DGKG: variants seen among roughly 807,000 people sequenced by gnomAD.
The protein encoded by DGKG is DAG kinase gamma.
DGKG carries 78 observed loss-of-function variants against 105.3 expected under a neutral mutation model. The ratio of observed to expected loss-of-function variants is 0.74; its 90% CI spans 0.62 to 0.89. DGKG has a LOEUF of 0.89. Among genes scored for constraint, DGKG ranks in the 40% least tolerant of loss-of-function variants. The probability of loss-of-function intolerance (pLI) is 0.00; values close to 1 mark genes in which losing one functional copy is unlikely to be tolerated. For synonymous variants in DGKG, 346 were observed against 367.1 expected (o/e 0.94, Z 0.66); for missense variants, 958 against 1,020.1 (o/e 0.94, Z 0.83).
intron 24 of DGKG, chr3:186,160,334 T>G: frequency 2.1e-6 from 2 of 970,042 alleles, no homozygotes; most frequent in Non-Finnish European, 2.4e-6. Context: ...TTCTTCCACC[T>G]TTTTTTTTGT....
In DGKG at chr3:186,306,935, T is replaced by A. The variant is rs770473494; in HGVS notation, c.110A>T (p.Glu37Val). The A allele has an allele frequency of 6.2e-7, 1 of 1,613,142 alleles. No homozygotes were observed. Among genetic ancestry groups the A allele is most frequent in the Non-Finnish European group, 8.5e-7 (1 of 1,179,114 alleles). Residue 37 changes from glutamate (E) to valine (V), a missense_variant, in exon 3 of 25, where the codon GAG becomes GTG. Glu to Val is a moderately radical substitution (Grantham distance 121). Around this residue, in one of 2 missense-constraint regions of DGKG, gnomAD observed 643 missense variants for 619.5 expected, o/e 1.04. Transcript: ENST00000265022. The part of the protein sequence containing the change: ...KIKDALTEFN[E>V]GGSLKQYDPH... The stretch of plus-strand genomic sequence containing the variant: ...GTCATATTGTTTGAGGCTCCCACCC[T>A]CATTAAATTCAGTCAAGGCATCTTT...
At chr3:186,208,064 CAG>C (rs1485458955) in intron 21 of DGKG, among the ~76,000 whole-genome samples, 3 of 151,518 alleles carry the variant, frequency 2.0e-5, no homozygotes, top group African/African-American at 7.3e-5. Flanking sequence ...TTTTTTGAGA[CAG>C]AGTCTTGCTC....
At chr3:186,238,262 C>T (rs988758689) in intron 20 of DGKG, among the ~76,000 whole-genome samples, 5 of 137,140 alleles carry the variant, frequency 3.6e-5, no homozygotes, top group African/African-American at 1.3e-4. Flanking sequence ...CACCACTGCA[C>T]TCCAGGCCAG....
intron 15 of DGKG, 49 bp from the exon 16 acceptor site, chr3:186,260,562 T>G: frequency 4.4e-5 from 56 of 1,276,124 alleles, no homozygotes; most frequent in Non-Finnish European, 5.7e-5. Context: ...AGAGAAGGAA[T>G]ATGTCATCGT....
intron 22 of DGKG, among the ~76,000 whole-genome samples, chr3:186,173,009 C>T (rs1383780018): frequency 6.6e-6 from 1 of 152,238 alleles, no homozygotes; most frequent in East Asian, 1.9e-4. Flanking sequence ...CTCCCTTTGG[C>T]TGGCAGCTGG....
rs761869227 is a variant in DGKG at position 186,253,106 on chromosome 3, G to A, written c.1587C>T (p.Leu529=). Residue 529 remains leucine (L), a synonymous_variant, in exon 18 of 25, where the codon CTC becomes CTT. Transcript: ENST00000265022. Reference sequence around the variant, plus strand: ...ATGCAAACTCACCTCCTCCCCAGCGGAGACAACGGGCAAGGTCATTTCCTG... The same window carrying A: ...ATGCAAACTCACCTCCTCCCCAGCGAAGACAACGGGCAAGGTCATTTCCTG... ...LGTGNDLARC[L]RWGGGYEGGS... is the part of the protein sequence containing the mutation. 1.2e-6 allele frequency: 2 copies of A among 1,614,176 alleles called. No homozygotes were observed. Among genetic ancestry groups the A allele is most frequent in the South Asian group, 2.2e-5 (2 of 91,088 alleles).
At chr3:186,281,471 C>G (rs963837570) in intron 7 of DGKG, among the ~76,000 whole-genome samples, 9 of 152,288 alleles carry the variant, frequency 5.9e-5, no homozygotes, top group African/African-American at 2.2e-4. Flanking sequence ...TCAAAGTTAG[C>G]ACCATTTAGG....
At chr3:186,279,771 A>G (rs1722746435) in intron 9 of DGKG, 80 bp downstream of exon 9, 16 of 1,544,004 alleles carry the variant, frequency 1.0e-5, no homozygotes, top group Non-Finnish European at 1.4e-5. Flanking sequence ...AGCAGAAGCC[A>G]AAGTGATATG....
intron 22 of DGKG, among the ~76,000 whole-genome samples, chr3:186,175,059 A>G (rs1035113106): frequency 2.6e-5 from 4 of 152,102 alleles, no homozygotes; most frequent in African/African-American, 9.7e-5. Context: ...GCAGGACTGG[A>G]ATTGTGGTGT....
chr3:186,192,046 C>T (rs941106714), intron 21 of DGKG, among the ~76,000 whole-genome samples: 6 of 151,984 alleles, frequency 3.9e-5, no homozygotes, highest in African/African-American at 7.3e-5. Flanking sequence ...TCGCTCTTGT[C>T]GCCCAGGCTG....
intron 20 of DGKG, among the ~76,000 whole-genome samples, chr3:186,238,250 C>T (rs1720510297): frequency 7.8e-6 from 1 of 128,004 alleles, no homozygotes; most frequent in Non-Finnish European, 1.6e-5. Context: ...GAGCCAAGAT[C>T]ACACCACTGC....
intron 20 of DGKG, among the ~76,000 whole-genome samples, chr3:186,215,555 G>C (rs1326388528): frequency 6.6e-6 from 1 of 152,158 alleles, no homozygotes; most frequent in Non-Finnish European, 1.5e-5. Context: ...GAAGGGACTG[G>C]AAAGAGAGGT....
At chr3:186,355,260 A>ACTATCGTC (rs1553826150) in intron 1 of DGKG, among the ~76,000 whole-genome samples, 6 of 151,642 alleles carry the variant, frequency 4.0e-5, no homozygotes, top group East Asian at 1.9e-4. Context: ...CACCAACACC[A>ACTATCGTC]ACACCACTAC....
At chr3:186,246,543 C>T (rs1031148828) in intron 19 of DGKG, among the ~76,000 whole-genome samples, 2 of 152,058 alleles carry the variant, frequency 1.3e-5, no homozygotes, top group African/African-American at 2.4e-5. Flanking sequence ...GGAAAGGAGA[C>T]CATAAGACAG....
At chr3:186,345,270 A>T (rs549813193) in intron 1 of DGKG, among the ~76,000 whole-genome samples, 1 of 152,342 alleles carries the variant, frequency 6.6e-6, no homozygotes, top group South Asian at 2.1e-4. Context: ...ATTTTTGCAC[A>T]ACACTTTGTT....
chr3:186,150,225 C>A (rs945383283), intron 24 of DGKG, 37 bp from the exon 25 acceptor site: 2 of 1,588,170 alleles, frequency 1.3e-6, no homozygotes, highest in Non-Finnish European at 8.6e-7. Context: ...TAGTGGCATG[C>A]AAATCTCAGT....
At chr3:186,341,210 G>C (rs958783042) in intron 1 of DGKG, among the ~76,000 whole-genome samples, 1 of 152,228 alleles carries the variant, frequency 6.6e-6, no homozygotes, top group African/African-American at 2.4e-5. Flanking sequence ...CAAAGAAGCA[G>C]ATATCACTAA....
intron 13 of DGKG, among the ~76,000 whole-genome samples, chr3:186,267,093 A>G (rs1306977973): frequency 6.6e-6 from 1 of 152,152 alleles, no homozygotes; most frequent in Non-Finnish European, 1.5e-5. Context: ...TGCTGCTTTC[A>G]TTTCCAAATC....
intron 3 of DGKG, among the ~76,000 whole-genome samples, chr3:186,299,993 A>G (rs1294021447): frequency 1.3e-5 from 2 of 151,846 alleles, no homozygotes; most frequent in East Asian, 1.9e-4. Context: ...ACGTGCCACC[A>G]TGCCCGGCTA....
Sources: allele counts gnomAD v4.1 joint callset (sites outside exome capture counted in the v4.1 genomes callset), GRCh38; gene constraint gnomAD v4.1.1; regional missense constraint gnomAD v4.1.1; transcripts MANE v1.5; gene names NCBI Gene and HGNC (gene_info 2026-07-23, HGNC 2026-07-21).